The following CUBN variants were observed in gnomAD, a reference collection of about 807,000 sequenced individuals.
CUBN encodes the protein cubilin.
Under a neutral mutation model 405.3 loss-of-function variants are expected in CUBN, and 282 were observed. That is an observed-to-expected ratio of 0.70 (90% CI 0.63 to 0.77). The LOEUF (loss-of-function observed/expected upper bound fraction) is 0.77, where lower values mean the gene tolerates loss of function less well. CUBN is among the 30% of genes least tolerant of loss of function. CUBN has a pLI of 0.00. For synonymous variants in CUBN, 1,684 were observed against 1,617.0 expected, an observed-to-expected ratio of 1.04 and a Z score of -0.99; for missense variants, 4,514 against 4,475.2, an observed-to-expected ratio of 1.01 and a Z score of -0.25.
chr10:16,859,340 A>T (rs1174271614), intron 59 of CUBN, among the ~76,000 whole-genome samples: 3 of 152,328 alleles, frequency 2.0e-5, no homozygotes, highest in South Asian at 4.1e-4. Flanking sequence ...TTCACCAGAG[A>T]ATAGATATAT....
At chr10:16,844,292 C>G (rs796153653) in intron 60 of CUBN, among the ~76,000 whole-genome samples, 18 of 149,598 alleles carry the variant, frequency 1.2e-4, no homozygotes, top group African/African-American at 4.1e-4. Context: ...AAAAGACCTT[C>G]CAGACCTACA....
At chr10:17,025,544 A>G (rs958007908) in intron 27 of CUBN, among the ~76,000 whole-genome samples, 2 of 152,256 alleles carry the variant, frequency 1.3e-5, no homozygotes, top group African/African-American at 2.4e-5. Context: ...GTTTGCTATG[A>G]GGCCTGGCAT....
chr10:16,889,953 A>AAAAAAAAAAAAAAAAAAAAAAAG lies in CUBN; in HGVS notation c.8755+417_8755+418insCTTTTTTTTTTTTTTTTTTTTTT, dbSNP rs57009841. The stretch of plus-strand genomic sequence containing the variant: ...GCCGTGTCAAAAAAAAAAAAAAAAA[A>AAAAAAAAAAAAAAAAAAAAAAAG]CAGGAAAGACTTCGTCATGGAAATT... On this transcript the variant is annotated intron_variant, in intron 55 of 66. Transcript: ENST00000377833. 4.0e-4 allele frequency among the ~76,000 whole-genome samples: 47 copies of AAAAAAAAAAAAAAAAAAAAAAAG among 118,012 alleles called. 10 individuals carry two copies. Among genetic ancestry groups the AAAAAAAAAAAAAAAAAAAAAAAG allele is most frequent in the African/African-American group, 1.8e-3 (44 of 23,870 alleles). The allele number at this position is 118,012 out of a possible 152,430, so 77.4% of individuals were successfully genotyped here.
At chr10:17,129,054 G>GACTT in intron 2 of CUBN, 67 bp downstream of exon 2, 3 of 1,275,910 alleles carry the variant, frequency 2.4e-6, no homozygotes, top group Non-Finnish European at 3.4e-6. Context: ...GATTAATCTA[G>GACTT]ACTTGTTCAA....
chr10:17,080,677 A>T (rs1374144773), intron 17 of CUBN, among the ~76,000 whole-genome samples: 1 of 152,150 alleles, frequency 6.6e-6, no homozygotes, highest in Non-Finnish European at 1.5e-5. Context: ...CTTCACCTTA[A>T]CATCGTATAG....
chr10:17,004,372 T>G lies in CUBN; in HGVS notation c.4169-13857A>C, dbSNP rs1016222208. ...CAACTCCAAATTCACCAACATGTAGTTTATTCCAAAGTCTCTTTCTCTGGC... is the reference window on the plus strand; with the variant it reads ...CAACTCCAAATTCACCAACATGTAGGTTATTCCAAAGTCTCTTTCTCTGGC... On this transcript the variant is annotated intron_variant, in intron 28 of 66. Transcript: ENST00000377833. Among the ~76,000 whole-genome samples, 35 of 152,312 alleles carry G rather than the reference T, an allele frequency of 2.3e-4. 6 individuals carry two copies. The highest frequency in any genetic ancestry group is 1.4e-3 in the Admixed American group (22 of 15,296).
chr10:16,942,888 C>T lies in CUBN; in HGVS notation c.5343-2651G>A, dbSNP rs1045135963. Among the ~76,000 whole-genome samples the T allele has an allele frequency of 8.3e-5, 10 of 120,970 alleles. No homozygotes were observed. In the South Asian group the frequency reaches 1.1e-3, roughly 14 times the overall value. The allele number at this position is 120,970 out of a possible 152,430, so 79.4% of individuals were successfully genotyped here. On this transcript the variant is annotated intron_variant, in intron 36 of 66. Transcript: ENST00000377833. ...AGGAAGGGAAGGGAAGGGAGGGGAA[C>T]GGAAGGCAAGGGGAAGGGGAAGGGG... is the stretch of plus-strand genomic sequence containing the variant.
At chr10:16,856,118 A>G (rs1227735670) in intron 59 of CUBN, among the ~76,000 whole-genome samples, 1 of 152,218 alleles carries the variant, frequency 6.6e-6, no homozygotes, top group Non-Finnish European at 1.5e-5. Flanking sequence ...TCAGAAAGTC[A>G]TATATATTTA....
chr10:17,072,887 A>G (rs1469322837), intron 17 of CUBN, among the ~76,000 whole-genome samples: 1 of 152,178 alleles, frequency 6.6e-6, no homozygotes, highest in Non-Finnish European at 1.5e-5. Flanking sequence ...TATCTGAAGG[A>G]GAAGAAAAAT....
At chr10:17,079,009 A>C (rs922591915) in intron 17 of CUBN, among the ~76,000 whole-genome samples, 1 of 152,058 alleles carries the variant, frequency 6.6e-6, no homozygotes, top group African/African-American at 2.4e-5. Flanking sequence ...CACAACTCCA[A>C]ATTAGGTGTT....
At chr10:16,882,761 C>T (rs1488159071) in intron 56 of CUBN, among the ~76,000 whole-genome samples, 1 of 152,146 alleles carries the variant, frequency 6.6e-6, no homozygotes, top group African/African-American at 2.4e-5. Context: ...CACCTGTAAT[C>T]CCAACACTTT....
At chr10:17,048,182 G>T (rs556767474) in intron 22 of CUBN, among the ~76,000 whole-genome samples, 1 of 152,328 alleles carries the variant, frequency 6.6e-6, no homozygotes, top group African/African-American at 2.4e-5. Context: ...TGCTACCTTT[G>T]ACTGAAGGTT....
At chr10:16,973,539 G>C (rs928960246) in intron 31 of CUBN, among the ~76,000 whole-genome samples, 2 of 152,160 alleles carry the variant, frequency 1.3e-5, no homozygotes, top group Non-Finnish European at 2.9e-5. Context: ...GTTTGCTATA[G>C]AGGTAAATTG....
chr10:17,068,853 T>G, intron 19 of CUBN, 83 bp from the exon 20 acceptor site: 1 of 1,125,224 alleles, frequency 8.9e-7, no homozygotes, highest in East Asian at 2.4e-5. Flanking sequence ...TGAAATGTTT[T>G]TAATGGAGTA....
In CUBN at chr10:17,084,458, T is replaced by A; in HGVS notation, c.2114A>T (p.Asp705Val). ...CGTGTAGTTCCCACCACAACGCAGA[T>A]CCGCTAAGAACAGGGAAGAGACGAA... is the stretch of plus-strand genomic sequence containing the variant. ...FHITYLTSPS[D>V]LRCGGNYTDP... is the part of the protein sequence containing the mutation. Residue 705 changes from aspartate to valine, a missense_variant, in exon 17 of 67, where the codon GAT (aspartate) becomes GTT (valine). Asp to Val is a radical substitution (Grantham distance 152). Transcript: ENST00000377833. The A allele has an allele frequency of 6.2e-7, 1 of 1,612,972 alleles. No homozygotes were observed. The highest frequency in any genetic ancestry group is 1.3e-5 in the African/African-American group (1 of 74,988).
intron 59 of CUBN, among the ~76,000 whole-genome samples, chr10:16,858,968 G>A (rs950407155): frequency 6.6e-6 from 1 of 152,144 alleles, no homozygotes; most frequent in African/African-American, 2.4e-5. Flanking sequence ...AAACCAAAAT[G>A]AGCTCAAAAT....
intron 22 of CUBN, among the ~76,000 whole-genome samples, chr10:17,057,160 T>C (rs1835414099): frequency 6.6e-6 from 1 of 152,064 alleles, no homozygotes; most frequent in Admixed American, 6.5e-5. Flanking sequence ...GAGCTGGTGG[T>C]AGAAAAAATC....
chr10:17,078,674 A>G (rs1212322769), intron 17 of CUBN, among the ~76,000 whole-genome samples: 1 of 152,182 alleles, frequency 6.6e-6, no homozygotes, highest in African/African-American at 2.4e-5. Flanking sequence ...TAAATGAATG[A>G]ATGGTCTCTT....
Position 16,949,125 on chromosome 10 carries a change from T to C in CUBN, c.5081-519A>G, listed in dbSNP as rs185653611. On this transcript the variant is annotated intron_variant, in intron 34 of 66. Coordinates refer to ENST00000377833, the MANE Select transcript of CUBN (RefSeq NM_001081.4). The stretch of plus-strand genomic sequence containing the variant: ...AACCTATCTCATAAGATTACAAGGA[T>C]TGACCTACTATTTATAACATACTGA... 2.8e-3 allele frequency among the ~76,000 whole-genome samples: 427 copies of C among 152,332 alleles called. 1 individual carries two copies. Among genetic ancestry groups the C allele is most frequent in the African/African-American group, 0.01 (420 of 41,580 alleles).
Sources: gnomAD v4.1 joint callset for allele counts (sites outside exome capture counted in the v4.1 genomes callset) on GRCh38, gnomAD v4.1.1 for gene constraint, MANE v1.5 for transcripts, NCBI Gene and HGNC (gene_info 2026-07-23, HGNC 2026-07-21) for gene names.